PIK3AP1: variants seen among roughly 807,000 people sequenced by gnomAD.
PIK3AP1 encodes phosphoinositide 3-kinase adapter protein 1.
In PIK3AP1, 21 loss-of-function variants were observed where a neutral mutation model predicts 88.1. That is an observed-to-expected ratio of 0.24 (90% CI 0.17 to 0.34). The LOEUF (loss-of-function observed/expected upper bound fraction) is 0.34. Ranked by LOEUF, PIK3AP1 falls within the 10% of genes least tolerant of loss-of-function variation. The probability of loss-of-function intolerance (pLI) is 1.00; values close to 1 mark genes in which losing one functional copy is unlikely to be tolerated. For missense variants in PIK3AP1, 828 were observed against 1,035.7 expected (o/e 0.80, Z 2.75); for synonymous variants, 398 against 400.0 (o/e 1.00, Z 0.06).
intron 12 of PIK3AP1, among the ~76,000 whole-genome samples, chr10:96,618,007 G>A (rs1256083836): frequency 6.6e-6 from 1 of 152,176 alleles, no homozygotes; most frequent in Non-Finnish European, 1.5e-5. Context: ...GAGAGGCAGA[G>A]GAAAAGGAAG....
chr10:96,671,618 A>G (rs1388228951), intron 2 of PIK3AP1, among the ~76,000 whole-genome samples: 1 of 152,148 alleles, frequency 6.6e-6, no homozygotes, highest in Non-Finnish European at 1.5e-5. Context: ...ATTATTTAGA[A>G]GTGTTAGTGT....
chr10:96,668,544 A>T (rs1327295159), intron 2 of PIK3AP1, among the ~76,000 whole-genome samples: 2 of 152,334 alleles, frequency 1.3e-5, no homozygotes, highest in South Asian at 4.1e-4. Context: ...AACTAAGGAG[A>T]TAAGTTTCAA....
chr10:96,670,568 G>A (rs1843832080), intron 2 of PIK3AP1, among the ~76,000 whole-genome samples: 1 of 152,084 alleles, frequency 6.6e-6, no homozygotes, highest in African/African-American at 2.4e-5. Flanking sequence ...TGATGTGTCT[G>A]GGCCACAAGA....
chr10:96,657,024 A>T, intron 2 of PIK3AP1, 90 bp from the exon 3 acceptor site: 10 of 1,349,998 alleles, frequency 7.4e-6, no homozygotes, highest in Non-Finnish European at 9.2e-6. Flanking sequence ...ATATTGCAAA[A>T]TAGGAAACGG....
At chr10:96,633,668 G>A (rs371764639) in intron 8 of PIK3AP1, among the ~76,000 whole-genome samples, 1 of 152,162 alleles carries the variant, frequency 6.6e-6, no homozygotes, top group African/African-American at 2.4e-5. Context: ...TCTTTAAACA[G>A]GACCTTTATT....
chr10:96,694,765 C>G (rs1041695618), intron 2 of PIK3AP1, among the ~76,000 whole-genome samples: 10 of 152,038 alleles, frequency 6.6e-5, no homozygotes, highest in African/African-American at 2.2e-4. Flanking sequence ...TCTCAAACTC[C>G]TGGGCTCAAG....
chr10:96,598,041 G>GT (rs1330924017), intron 16 of PIK3AP1, among the ~76,000 whole-genome samples: 12 of 107,406 alleles, frequency 1.1e-4, no homozygotes, highest in South Asian at 3.6e-4. Flanking sequence ...TTGTTTTTTT[G>GT]TTGTTTTTTT....
intron 1 of PIK3AP1, among the ~76,000 whole-genome samples, chr10:96,716,218 GT>G (rs770659528): frequency 2.6e-5 from 4 of 152,140 alleles, no homozygotes; most frequent in Non-Finnish European, 4.4e-5. Context: ...GGAGGCAGAG[GT>G]TGCAGTGAGC....
At chr10:96,678,845 A>G (rs1266717525) in intron 2 of PIK3AP1, among the ~76,000 whole-genome samples, 1 of 152,176 alleles carries the variant, frequency 6.6e-6, no homozygotes, top group Non-Finnish European at 1.5e-5. Context: ...CTCTTTGTTC[A>G]GGTTCAACAA....
intron 6 of PIK3AP1, among the ~76,000 whole-genome samples, chr10:96,650,355 G>A (rs1162321656): frequency 6.6e-6 from 1 of 152,134 alleles, no homozygotes. Context: ...GAACGGTGGT[G>A]TCCACAGAAA....
chr10:96,602,341 C>A lies in PIK3AP1; in HGVS notation c.2299G>T (p.Gly767Trp). 6.2e-7 allele frequency: 1 copy of A among 1,612,372 alleles called. No individual in the cohort carries two copies. ...CTCTCGAGGGACATGGTGGGTGTCC[C>A]ATCCACTTGTGGGGGGCCTGGACTG... ...SRSPGPPQVD[G>W]TPTMSLERPP... is the part of the protein sequence containing the mutation. The change falls in exon 16 of 17, where the codon GGG (glycine) becomes TGG (tryptophan). Residue 767 changes from glycine to tryptophan, a missense_variant. Transcript: ENST00000339364.
chr10:96,682,566 G>A (rs182665046), intron 2 of PIK3AP1, among the ~76,000 whole-genome samples: 17 of 152,270 alleles, frequency 1.1e-4, no homozygotes, highest in Admixed American at 2.6e-4. Context: ...AATTTGTACC[G>A]TCTCCCCATG....
intron 9 of PIK3AP1, 86 bp from the exon 10 acceptor site, chr10:96,626,991 T>C: frequency 7.5e-7 from 1 of 1,327,604 alleles, no homozygotes; most frequent in East Asian, 2.3e-5. Context: ...GGGACCTTAC[T>C]TTGTTTCCTC....
intron 12 of PIK3AP1, among the ~76,000 whole-genome samples, chr10:96,619,207 G>T (rs565056430): frequency 4.9e-4 from 75 of 152,302 alleles, no homozygotes; most frequent in African/African-American, 1.7e-3. Context: ...TAGCACTGTC[G>T]GAGGTCAGCA....
In PIK3AP1 at chr10:96,711,739, A is replaced by ATTTTTTTTTTTT. The variant is rs763923650; in HGVS notation, c.14-1768_14-1757dup. On this transcript the variant is annotated intron_variant, in intron 1 of 16. Transcript: ENST00000339364. ...ATTTCCCCCAGGATGAGATTACCAA[A>ATTTTTTTTTTTT]TTTTTTTTTTTTTTTTTTTTTTTTT... is the stretch of plus-strand genomic sequence containing the variant. 1.1e-3 allele frequency among the ~76,000 whole-genome samples: 71 copies of ATTTTTTTTTTTT among 66,444 alleles called. 8 individuals are homozygous for ATTTTTTTTTTTT. The highest frequency in any genetic ancestry group is 4.1e-3 in the African/African-American group (58 of 14,256). 43.6% of individuals were successfully genotyped at this position (66,444 alleles called of 152,430 possible).
intron 2 of PIK3AP1, among the ~76,000 whole-genome samples, chr10:96,701,311 G>C (rs1042635087): frequency 1.3e-5 from 2 of 152,164 alleles, no homozygotes; most frequent in Non-Finnish European, 2.9e-5. Flanking sequence ...AGGGTGGAGA[G>C]GAAAGACTTA....
chr10:96,603,963 G>T lies in PIK3AP1; in HGVS notation c.2241+16C>A. On this transcript the variant is annotated intron_variant, in intron 15 of 16. Coordinates refer to ENST00000339364, the MANE Select transcript of PIK3AP1 (RefSeq NM_152309.3). ...CCCCTAGGACAGGATAGGTGGGGTG[G>T]AGTCCCAGCTCTCACCTCGTTGTCC... The T allele has an allele frequency of 6.3e-7, 1 of 1,583,450 alleles. No homozygotes were observed. The highest frequency in any genetic ancestry group is 1.1e-5 in the South Asian group (1 of 87,616).
In PIK3AP1 at chr10:96,693,273, TC is replaced by T. The variant is rs200769943; in HGVS notation, c.430+16293del. ...GCCCCAGGAAGACAGCAGTGAGCAA[TC>T]CCCCCAACTTCCCACCCCACCCTGC... On this transcript the variant is annotated intron_variant, in intron 2 of 16. Transcript: ENST00000339364. Among the ~76,000 whole-genome samples the T allele has an allele frequency of 3.1e-3, 477 of 152,006 alleles. 4 individuals are homozygous for T. The highest frequency in any genetic ancestry group is 0.017 in the Middle Eastern group (5 of 294).
Position 96,694,383 on chromosome 10 carries a change from T to C in PIK3AP1, c.430+15184A>G, listed in dbSNP as rs1844193209. ...ACAGTCTCATCTATGCCACTAACTG[T>C]GTAATACTGGGCAAGTCATCTAACC... is the stretch of plus-strand genomic sequence containing the variant. On this transcript the variant is annotated intron_variant, in intron 2 of 16. Transcript: ENST00000339364. Among the ~76,000 whole-genome samples the C allele has an allele frequency of 4.6e-5, 7 of 152,254 alleles. 1 individual carries two copies. The South Asian group carries it at 1.5e-3, about 32-fold the overall frequency.
Sources: gnomAD v4.1 joint callset for allele counts (sites outside exome capture counted in the v4.1 genomes callset) on GRCh38, gnomAD v4.1.1 for gene constraint, MANE v1.5 for transcripts, NCBI Gene and HGNC (gene_info 2026-07-23, HGNC 2026-07-21) for gene names.